The following SNX29 variants were observed in gnomAD, a reference collection of about 807,000 sequenced individuals.
The protein encoded by SNX29 is sorting nexin-29.
A neutral mutation model predicts 102.1 loss-of-function variants in SNX29; 78 were observed. The ratio of observed to expected loss-of-function variants is 0.76; its 90% CI spans 0.64 to 0.92. SNX29 has a LOEUF of 0.92. SNX29 is among the 40% of genes least tolerant of loss of function. The pLI is 0.00. For missense variants in SNX29, 1,280 were observed against 1,061.7 expected (o/e 1.21, Z -2.86); for synonymous variants, 580 against 414.5 (o/e 1.40, Z -4.85).
chr16:12,242,308 A>G (rs1011716764), intron 14 of SNX29, among the ~76,000 whole-genome samples: 7 of 149,028 alleles, frequency 4.7e-5, no homozygotes, highest in Non-Finnish European at 1.0e-4. Flanking sequence ...TTATTTATTT[A>G]TAGTGGCATT....
intron 20 of SNX29, 66 bp from the exon 21 acceptor site, chr16:12,568,440 T>G (rs2079105739): frequency 6.3e-7 from 1 of 1,590,692 alleles, no homozygotes; most frequent in African/African-American, 1.3e-5. Context: ...CTGGCTCCCC[T>G]TCCTGGCCTG....
At chr16:12,090,697 A>G (rs1449166068) in intron 11 of SNX29, among the ~76,000 whole-genome samples, 2 of 152,156 alleles carry the variant, frequency 1.3e-5, no homozygotes, top group East Asian at 1.9e-4. Context: ...TTCTGGGGCA[A>G]TTCTAGATTT....
Position 12,570,199 on chromosome 16 carries a change from C to G in SNX29, c.*1570C>G, listed in dbSNP as rs1160126795. The G allele has an allele frequency of 9.4e-7, 1 of 1,065,332 alleles. No individual in the cohort carries two copies. The allele number at this position is 1,065,332 out of a possible 1,614,324, so 66.0% of individuals were successfully genotyped here. A position where few individuals can be genotyped will look rare whatever the true frequency, so the allele number is the denominator to read the frequency against. ...GAAACCGAGTCAGCCTACATGACTT[C>G]CAAGGGGACCTGGGGCCAGATAAGC... On this transcript the variant is annotated 3_prime_UTR_variant, in exon 21 of 21. Transcript: ENST00000566228.
intron 19 of SNX29, among the ~76,000 whole-genome samples, chr16:12,509,084 GGCCTCT>G (rs2089499998): frequency 6.6e-6 from 1 of 152,128 alleles, no homozygotes; most frequent in Non-Finnish European, 1.5e-5. Flanking sequence ...TTCAGCCTGT[GGCCTCT>G]GCAGTGAAGA....
rs1031586569 is a variant in SNX29 at position 12,061,784 on chromosome 16, G to A, written c.1243+138G>A. 7.3e-6 allele frequency: 5 copies of A among 680,660 alleles called. No individual in the cohort carries two copies. In the African/African-American group the frequency reaches 9.0e-5, roughly 12 times the overall value. The allele number at this position is 680,660 out of a possible 1,614,324, so 42.2% of individuals were successfully genotyped here. ...TCGGGGTGTGGTTCAGGGCCAGGGG[G>A]AGCTCACTGAGATGCAGAAGTGAGA... On this transcript the variant is annotated intron_variant, in intron 9 of 20. Transcript: ENST00000566228.
At chr16:12,474,192 C>A (rs146754497) in intron 18 of SNX29, among the ~76,000 whole-genome samples, 1 of 152,192 alleles carries the variant, frequency 6.6e-6, no homozygotes, top group Non-Finnish European at 1.5e-5. Context: ...GAGCCCATTA[C>A]TTCAGCTGAA....
chr16:12,538,979 G>T (rs1356412056), intron 20 of SNX29, among the ~76,000 whole-genome samples: 3 of 152,184 alleles, frequency 2.0e-5, no homozygotes, highest in Non-Finnish European at 2.9e-5. Context: ...TATAAATAGG[G>T]AGAAGATAGA....
At chr16:12,020,567 T>C (rs1436411542) in intron 3 of SNX29, among the ~76,000 whole-genome samples, 1 of 152,086 alleles carries the variant, frequency 6.6e-6, no homozygotes, top group African/African-American at 2.4e-5. Flanking sequence ...CTGAAATTCA[T>C]GGATTAAGCA....
At chr16:12,521,528 C>A (rs1009708777) in intron 19 of SNX29, among the ~76,000 whole-genome samples, 1 of 152,150 alleles carries the variant, frequency 6.6e-6, no homozygotes, top group African/African-American at 2.4e-5. Flanking sequence ...CATCTCTGAT[C>A]TCTCCTTATT....
intron 15 of SNX29, among the ~76,000 whole-genome samples, chr16:12,287,237 G>A (rs528880901): frequency 2.8e-4 from 42 of 152,336 alleles, no homozygotes; most frequent in Non-Finnish European, 5.6e-4. Context: ...AGATGAGGAG[G>A]TGTGACCACA....
intron 13 of SNX29, among the ~76,000 whole-genome samples, chr16:12,187,888 G>C (rs1044968215): frequency 6.6e-6 from 1 of 152,104 alleles, no homozygotes; most frequent in Admixed American, 6.5e-5. Context: ...TGCATCCCTC[G>C]AGGGACCTGA....
At chr16:12,005,133 GTGT>G (rs901715573) in intron 3 of SNX29, among the ~76,000 whole-genome samples, 80 of 152,332 alleles carry the variant, frequency 5.3e-4, no homozygotes, top group African/African-American at 1.7e-3. Flanking sequence ...TTACTTCTCA[GTGT>G]TGTACACAAG....
chr16:12,244,375 G>T (rs942072777), intron 14 of SNX29, among the ~76,000 whole-genome samples: 1 of 152,192 alleles, frequency 6.6e-6, no homozygotes, highest in African/African-American at 2.4e-5. Context: ...TTGGGAAGCT[G>T]AGATGGGAAG....
chr16:12,411,212 T>C (rs1298139065), intron 18 of SNX29, among the ~76,000 whole-genome samples: 2 of 152,234 alleles, frequency 1.3e-5, no homozygotes, highest in African/African-American at 4.8e-5. Flanking sequence ...ACCTGTTGTA[T>C]ACCAGGTAGA....
intron 20 of SNX29, among the ~76,000 whole-genome samples, chr16:12,544,850 A>G (rs1208676273): frequency 6.6e-6 from 1 of 152,232 alleles, no homozygotes; most frequent in Non-Finnish European, 1.5e-5. Context: ...GGAAATGCCC[A>G]CATGCAGCCA....
chr16:12,395,312 C>T (rs2083680433), intron 16 of SNX29, among the ~76,000 whole-genome samples: 1 of 152,118 alleles, frequency 6.6e-6, no homozygotes. Context: ...TCTGTTCTGT[C>T]CCTGCTCCCC....
chr16:12,551,242 C>G (rs759915973), intron 20 of SNX29, among the ~76,000 whole-genome samples: 1 of 152,140 alleles, frequency 6.6e-6, no homozygotes, highest in Non-Finnish European at 1.5e-5. Flanking sequence ...TGAGGACAGT[C>G]TAAAAATCAC....
intron 13 of SNX29, among the ~76,000 whole-genome samples, chr16:12,130,141 A>C (rs1041920088): frequency 6.7e-6 from 1 of 149,028 alleles, no homozygotes; most frequent in Non-Finnish European, 1.5e-5. Context: ...AAACAACAAC[A>C]AAAAAAAACC....
At chr16:12,370,052 C>G (rs2082626488) in intron 16 of SNX29, among the ~76,000 whole-genome samples, 1 of 151,674 alleles carries the variant, frequency 6.6e-6, no homozygotes, top group African/African-American at 2.4e-5. Flanking sequence ...GAAACCCTGT[C>G]TCTACTAAAA....
Sources: gnomAD v4.1 joint callset for allele counts (sites outside exome capture counted in the v4.1 genomes callset) on GRCh38, gnomAD v4.1.1 for gene constraint, MANE v1.5 for transcripts, NCBI Gene and HGNC (gene_info 2026-07-23, HGNC 2026-07-21) for gene names.